Variants in ZNF804B observed in about 807,000 individuals in gnomAD.
ZNF804B encodes the protein zinc finger protein 804B, also known as zinc finger 804B.
Under a neutral mutation model 101.4 loss-of-function variants are expected in ZNF804B, and 80 were observed. The ratio of observed to expected loss-of-function variants is 0.79; its 90% CI spans 0.66 to 0.95. The LOEUF (loss-of-function observed/expected upper bound fraction) is 0.95, where lower values mean the gene tolerates loss of function less well. Among genes scored for constraint, ZNF804B ranks in the 40% least tolerant of loss-of-function variants. The pLI, the probability that ZNF804B is intolerant of heterozygous loss-of-function variation, is 0.00. For missense variants in ZNF804B, 1,673 were observed against 1,561.9 expected (o/e 1.07, Z -1.20); for synonymous variants, 622 against 558.8 (o/e 1.11, Z -1.59).
chr7:89,230,876 C>T (rs1789182934), intron 2 of ZNF804B, among the ~76,000 whole-genome samples: 1 of 152,000 alleles, frequency 6.6e-6, no homozygotes, highest in Non-Finnish European at 1.5e-5. Flanking sequence ...GCTTATTTAA[C>T]ATTTACATAT....
intron 1 of ZNF804B, among the ~76,000 whole-genome samples, chr7:89,007,567 A>ATATAATATATCT (rs1788388345): frequency 7.2e-5 from 2 of 27,834 alleles, no homozygotes; most frequent in Non-Finnish European, 1.9e-4. Flanking sequence ...TATCTATTAT[A>ATATAATATATCT]ATTATATATA....
At chr7:88,968,222 A>C (rs1422821056) in intron 1 of ZNF804B, among the ~76,000 whole-genome samples, 1 of 151,586 alleles carries the variant, frequency 6.6e-6, no homozygotes, top group African/African-American at 2.4e-5. Context: ...TAGGGACCTT[A>C]TGTTGAAATT....
chr7:88,854,679 G>T (rs1456068250), intron 1 of ZNF804B, among the ~76,000 whole-genome samples: 1 of 147,686 alleles, frequency 6.8e-6, no homozygotes, highest in Non-Finnish European at 1.5e-5. Flanking sequence ...GTGTATACAT[G>T]TGCCATGTTG....
chr7:88,884,114 T>C (rs922353818), intron 1 of ZNF804B, among the ~76,000 whole-genome samples: 29 of 151,890 alleles, frequency 1.9e-4, no homozygotes, highest in South Asian at 6.2e-4. Flanking sequence ...TTATTTTATA[T>C]GTCTATAATG....
chr7:89,134,775 A>C (rs1340461274), intron 1 of ZNF804B, among the ~76,000 whole-genome samples: 1 of 151,978 alleles, frequency 6.6e-6, no homozygotes, highest in Non-Finnish European at 1.5e-5. Flanking sequence ...CAGATATAAT[A>C]ACCCATATTT....
intron 3 of ZNF804B, 94 bp downstream of exon 3, chr7:89,327,568 ATAAC>A (rs1246743173): frequency 1.1e-5 from 17 of 1,481,920 alleles, no homozygotes; most frequent in East Asian, 9.7e-5. Context: ...TAAACAAATA[ATAAC>A]TAACTAATAG....
intron 1 of ZNF804B, among the ~76,000 whole-genome samples, chr7:88,868,621 A>G (rs1254003987): frequency 2.0e-5 from 3 of 152,336 alleles, no homozygotes; most frequent in East Asian, 1.9e-4. Context: ...GCCAGCTTCA[A>G]TTGGCTTGCT....
chr7:89,220,134 T>C (rs1295577483), intron 2 of ZNF804B, among the ~76,000 whole-genome samples: 2 of 130,138 alleles, frequency 1.5e-5, no homozygotes, highest in African/African-American at 6.2e-5. Flanking sequence ...TACGCACACA[T>C]ATATGTGTGT....
intron 2 of ZNF804B, among the ~76,000 whole-genome samples, chr7:89,315,959 T>C (rs1295566480): frequency 6.6e-6 from 1 of 152,182 alleles, no homozygotes. Flanking sequence ...GTCTGCATTG[T>C]AGGAATTATG....
rs1191647729 is a variant in ZNF804B, at chr7:88,760,931, AAT to A, written c.108+860_108+861del. ...ATATATAATAAATATATATATAATA[AAT>A]ATATATATATATTAGTTTTGGACTA... On this transcript the variant is annotated intron_variant, in intron 1 of 3. Transcript: ENST00000333190. 5.8e-5 allele frequency among the ~76,000 whole-genome samples: 8 copies of A among 138,802 alleles called. No individual in the cohort carries two copies. The South Asian group carries it at 6.9e-4, about 12-fold the overall frequency. The allele number at this position is 138,802 out of a possible 152,430, so 91.1% of individuals were successfully genotyped here. A position where few individuals can be genotyped will look rare whatever the true frequency, so the allele number is the denominator to read the frequency against.
intron 1 of ZNF804B, among the ~76,000 whole-genome samples, chr7:88,942,185 A>T (rs1005559489): frequency 6.6e-6 from 1 of 151,894 alleles, no homozygotes; most frequent in Non-Finnish European, 1.5e-5. Flanking sequence ...GGTCTTGTAT[A>T]AAAAAATCCC....
intron 1 of ZNF804B, among the ~76,000 whole-genome samples, chr7:88,764,962 A>G (rs1490611451): frequency 6.6e-6 from 1 of 152,166 alleles, no homozygotes; most frequent in Non-Finnish European, 1.5e-5. Context: ...CAAGTATCAT[A>G]TAAAGCAACC....
intron 1 of ZNF804B, among the ~76,000 whole-genome samples, chr7:89,007,586 T>C (rs1370081513): frequency 7.5e-6 from 1 of 133,018 alleles, no homozygotes; most frequent in Non-Finnish European, 1.6e-5. Context: ...TAATATATAT[T>C]TATATATTAT....
chr7:89,228,915 G>C (rs772441654), intron 2 of ZNF804B, among the ~76,000 whole-genome samples: 1 of 152,186 alleles, frequency 6.6e-6, no homozygotes. Context: ...GCCCTGCCCC[G>C]CGGGAAGGCA....
At position 88,854,402 on chromosome 7, in the gene ZNF804B, T is replaced by TCTTTCTTTCTTCCTTC. The variant is rs1791500005; in HGVS notation, c.108+94333_108+94334insCCTTTCTTTCTTCCTT. 2.2e-4 allele frequency among the ~76,000 whole-genome samples: 29 copies of TCTTTCTTTCTTCCTTC among 130,370 alleles called. 1 individual carries two copies. In the South Asian group the frequency reaches 4.3e-3, roughly 20 times the overall value. The allele number at this position is 130,370 out of a possible 152,430, so 85.5% of individuals were successfully genotyped here. On this transcript the variant is annotated intron_variant, in intron 1 of 3. Coordinates refer to ENST00000333190, the MANE Select transcript of ZNF804B (RefSeq NM_181646.5). ...TCTGTACTGCATTTCTTTCTTTCTT[T>TCTTTCTTTCTTCCTTC]CTTTCTTTCTTCCTTTCTTTCTTTC...
intron 1 of ZNF804B, among the ~76,000 whole-genome samples, chr7:89,017,105 A>G (rs1788577892): frequency 1.3e-5 from 2 of 152,264 alleles, no homozygotes; most frequent in South Asian, 4.1e-4. Context: ...GCAATTGTGA[A>G]TGGGAGTTCA....
At position 89,335,060 on chromosome 7, in the gene ZNF804B, A is replaced by G. The variant is rs1467024526; in HGVS notation, c.2078A>G (p.Asn693Ser). 6.2e-7 allele frequency: 1 copy of G among 1,613,870 alleles called. No individual in the cohort carries two copies. The highest frequency in any genetic ancestry group is 1.7e-5 in the Admixed American group (1 of 59,900). Residue 693 changes from asparagine (N) to serine (S), a missense_variant, in exon 4 of 4, where the codon AAC becomes AGC. Transcript: ENST00000333190. The part of the protein sequence containing the change: ...SMTSKVSGCG[N>S]QRYKRYSPQS... ...ACCAGCAAGGTTTCCGGATGTGGAA[A>G]CCAAAGATACAAGAGATACTCTCCA...
intron 1 of ZNF804B, among the ~76,000 whole-genome samples, chr7:89,212,828 C>G (rs1788825487): frequency 6.6e-6 from 1 of 152,022 alleles, no homozygotes; most frequent in Admixed American, 6.6e-5. Context: ...CTTAAAATAA[C>G]TAGTTCACAA....
At chr7:88,969,823 A>C (rs1200043363) in intron 1 of ZNF804B, among the ~76,000 whole-genome samples, 1 of 151,676 alleles carries the variant, frequency 6.6e-6, no homozygotes, top group Admixed American at 6.6e-5. Flanking sequence ...TTTTTGAAAC[A>C]AGATATAAAC....
Sources: gnomAD v4.1 joint callset for allele counts (sites outside exome capture counted in the v4.1 genomes callset) on GRCh38, gnomAD v4.1.1 for gene constraint, MANE v1.5 for transcripts, NCBI Gene and HGNC (gene_info 2026-07-23, HGNC 2026-07-21) for gene names.